Variants in ARHGEF4 observed in about 807,000 individuals in gnomAD.
ARHGEF4 encodes Rho guanine nucleotide exchange factor 4.
In ARHGEF4, 119 loss-of-function variants were observed where a neutral mutation model predicts 162.0. The ratio of observed to expected loss-of-function variants is 0.73; its 90% CI spans 0.63 to 0.86. The LOEUF is 0.86. ARHGEF4 is among the 40% of genes least tolerant of loss of function. The probability of loss-of-function intolerance (pLI) is 0.00; values close to 1 mark genes in which losing one functional copy is unlikely to be tolerated. For synonymous variants in ARHGEF4, 1,014 were observed against 979.9 expected, an observed-to-expected ratio of 1.03 and a Z score of -0.65; for missense variants, 2,488 against 2,456.0, an observed-to-expected ratio of 1.01 and a Z score of -0.28.
Position 131,007,078 on chromosome 2 carries a change from G to A in ARHGEF4, c.3986-20867G>A, listed in dbSNP as rs549936046. Among the ~76,000 whole-genome samples the A allele has an allele frequency of 2.6e-5, 4 of 152,344 alleles. No individual in the cohort carries two copies. The South Asian group carries it at 6.2e-4, about 24-fold the overall frequency. On this transcript the variant is annotated intron_variant, in intron 4 of 13. Coordinates refer to ENST00000409359, the MANE Select transcript of ARHGEF4 (RefSeq NM_001367493.1). ...TTGCAGAAGAAATTCTAATTGAAGG[G>A]ATCCAGCAAAGAGTAAAGGCGTTTG...
rs1020925833 is a variant in ARHGEF4, at chr2:131,045,817, C to G, written c.5480-221C>G. 4.9e-6 allele frequency: 7 copies of G among 1,431,878 alleles called. 1 individual carries two copies. Among genetic ancestry groups the G allele is most frequent in the East Asian group, 5.0e-5 (2 of 39,638 alleles). 88.7% of individuals were successfully genotyped at this position (1,431,878 alleles called of 1,614,324 possible). ...ACATGCCTTTGCACAGGCCACCCCC[C>G]TCTTCAGGCTGCTGCAGGAGGCCAG... On this transcript the variant is annotated intron_variant, in intron 13 of 13. Transcript: ENST00000409359.
At position 130,915,436 on chromosome 2, in the gene ARHGEF4, T is replaced by C; in HGVS notation, c.1490T>C (p.Val497Ala). ...CAGAAGCACCTCTGGGGCATTTCTG[T>C]CCAGGCAGGAAACCAAACCAGTAAT... ...ETQKHLWGIS[V>A]QAGNQTSNYT... is the part of the protein sequence containing the mutation. Residue 497 changes from valine to alanine, a missense_variant, in exon 2 of 14, where the codon GTC becomes GCC. Transcript: ENST00000409359. 1.3e-6 allele frequency: 2 copies of C among 1,550,492 alleles called. No homozygotes were observed. Among genetic ancestry groups the C allele is most frequent in the East Asian group, 4.9e-5 (2 of 40,896 alleles).
intron 1 of ARHGEF4, among the ~76,000 whole-genome samples, chr2:130,864,201 G>GAAAAA (rs56982493): frequency 9.8e-6 from 1 of 101,574 alleles, no homozygotes; most frequent in African/African-American, 3.3e-5. Flanking sequence ...AAGAAAGAAA[G>GAAAAA]AAAAAAAAAA....
intron 3 of ARHGEF4, among the ~76,000 whole-genome samples, chr2:130,940,692 G>C (rs572223773): frequency 2.7e-5 from 4 of 150,376 alleles, no homozygotes; most frequent in Non-Finnish European, 5.9e-5. Flanking sequence ...TTAGCCGGGC[G>C]TGGTGGCGGG....
At chr2:131,045,495 C>G (rs746501990) in intron 13 of ARHGEF4, 49 bp downstream of exon 13, 1 of 1,613,642 alleles carries the variant, frequency 6.2e-7, no homozygotes, top group South Asian at 1.1e-5. Context: ...CCTTACCCTG[C>G]TGACATCATT....
At chr2:130,926,195 AG>A (rs998420046) in intron 2 of ARHGEF4, among the ~76,000 whole-genome samples, 2 of 151,484 alleles carry the variant, frequency 1.3e-5, no homozygotes, top group African/African-American at 4.9e-5. Context: ...GTTTTATTTC[AG>A]TTACTATATT....
chr2:130,888,022 A>G lies in ARHGEF4; in HGVS notation c.40-25964A>G, dbSNP rs187052155. ...GTGCAGCTTCCCAGGGTCTTCTACC[A>G]TAATTTTTATTCATCTTTTAAAAAC... On this transcript the variant is annotated intron_variant, in intron 1 of 13. Coordinates refer to ENST00000409359, the MANE Select transcript of ARHGEF4 (RefSeq NM_001367493.1). 4.6e-4 allele frequency among the ~76,000 whole-genome samples: 70 copies of G among 152,226 alleles called. 1 individual carries two copies. The highest frequency in any genetic ancestry group is 1.6e-3 in the African/African-American group (65 of 41,480).
intron 1 of ARHGEF4, among the ~76,000 whole-genome samples, chr2:130,876,132 C>T (rs1678823411): frequency 6.6e-6 from 1 of 152,160 alleles, no homozygotes; most frequent in Admixed American, 6.5e-5. Context: ...ATGTCCTCAC[C>T]CCGCAGGTGA....
At chr2:130,953,787 C>A (rs1358035212) in intron 4 of ARHGEF4, among the ~76,000 whole-genome samples, 1 of 152,280 alleles carries the variant, frequency 6.6e-6, no homozygotes, top group African/African-American at 2.4e-5. Context: ...ATGCAGCCAA[C>A]AGACACATGA....
intron 3 of ARHGEF4, among the ~76,000 whole-genome samples, chr2:130,932,294 A>C (rs1277735598): frequency 1.3e-5 from 2 of 151,862 alleles, no homozygotes; most frequent in Non-Finnish European, 2.9e-5. Context: ...CACTTTGTTC[A>C]TCCATACATC....
At chr2:131,031,705 C>T (rs551965610) in intron 5 of ARHGEF4, among the ~76,000 whole-genome samples, 11 of 152,326 alleles carry the variant, frequency 7.2e-5, no homozygotes, top group African/African-American at 2.6e-4. Flanking sequence ...TTTCAGTGCC[C>T]AGGAGTGTAC....
chr2:130,928,585 G>T (rs1682447126), intron 2 of ARHGEF4, among the ~76,000 whole-genome samples: 1 of 152,160 alleles, frequency 6.6e-6, no homozygotes, highest in Non-Finnish European at 1.5e-5. Context: ...TTAACTGAGG[G>T]TCACACTTAC....
intron 1 of ARHGEF4, among the ~76,000 whole-genome samples, chr2:130,898,718 C>A (rs1268117473): frequency 6.6e-6 from 1 of 152,122 alleles, no homozygotes; most frequent in African/African-American, 2.4e-5. Context: ...ACAACAATGA[C>A]AGGCAGATGA....
intron 2 of ARHGEF4, among the ~76,000 whole-genome samples, chr2:130,925,987 C>G (rs1466422717): frequency 7.0e-6 from 1 of 143,000 alleles, no homozygotes; most frequent in Non-Finnish European, 1.5e-5. Flanking sequence ...CTCACAGGTC[C>G]ATGATGCTCT....
chr2:130,837,120 C>A, intron 1 of ARHGEF4, 128 bp downstream of exon 1: 1 of 860,762 alleles, frequency 1.2e-6, no homozygotes, highest in Non-Finnish European at 1.5e-6. Context: ...GGGACACCCT[C>A]GTGGCTCCCC....
chr2:131,001,302 C>CAAAAAAAAAAAA (rs70994730), intron 4 of ARHGEF4, among the ~76,000 whole-genome samples: 1 of 31,156 alleles, frequency 3.2e-5, no homozygotes, highest in Non-Finnish European at 6.6e-5. Context: ...GACTGTGTCT[C>CAAAAAAAAAAAA]AAAAAAAAAA....
intron 4 of ARHGEF4, among the ~76,000 whole-genome samples, chr2:131,003,096 A>G (rs1211293544): frequency 6.6e-6 from 1 of 152,164 alleles, no homozygotes; most frequent in African/African-American, 2.4e-5. Flanking sequence ...TGCCTCTGGT[A>G]TGAACAGCGT....
At chr2:131,015,613 G>T (rs549751637) in intron 4 of ARHGEF4, among the ~76,000 whole-genome samples, 1 of 152,214 alleles carries the variant, frequency 6.6e-6, no homozygotes, top group Non-Finnish European at 1.5e-5. Flanking sequence ...GCTAGTCTGG[G>T]TGCAAGTGGC....
At chr2:131,024,053 G>A (rs1267062823) in intron 4 of ARHGEF4, among the ~76,000 whole-genome samples, 2 of 152,146 alleles carry the variant, frequency 1.3e-5, no homozygotes, top group African/African-American at 2.4e-5. Flanking sequence ...TGCTCTGGTG[G>A]CTGTGCAGAT....
Sources: allele counts gnomAD v4.1 joint callset (sites outside exome capture counted in the v4.1 genomes callset), GRCh38; gene constraint gnomAD v4.1.1; transcripts MANE v1.5; gene names NCBI Gene and HGNC (gene_info 2026-07-23, HGNC 2026-07-21).